Variants in LRRC2 observed in about 807,000 individuals in gnomAD.
The protein encoded by LRRC2 is leucine rich repeat containing 2, also known as leucine-rich repeat-containing protein 2.
A neutral mutation model predicts 40.2 loss-of-function variants in LRRC2; 27 were observed. That is an observed-to-expected ratio of 0.67 (90% CI 0.49 to 0.93). LRRC2 has a LOEUF of 0.93. Ranked by LOEUF, LRRC2 falls within the 40% of genes least tolerant of loss-of-function variation. The probability of loss-of-function intolerance (pLI) is 0.00; values close to 1 mark genes in which losing one functional copy is unlikely to be tolerated. For synonymous variants in LRRC2, 147 were observed against 158.9 expected, an observed-to-expected ratio of 0.92 and a Z score of 0.56; for missense variants, 402 against 439.6, an observed-to-expected ratio of 0.91 and a Z score of 0.76.
intron 3 of LRRC2, 145 bp from the exon 4 acceptor site, chr3:46,539,346 A>G (rs2107012849): frequency 2.7e-6 from 2 of 730,308 alleles, no homozygotes. Flanking sequence ...AGCCATTTCA[A>G]AAAGAAACCA....
intron 1 of LRRC2, among the ~76,000 whole-genome samples, chr3:46,563,815 A>C (rs915159306): frequency 1.3e-5 from 2 of 152,138 alleles, no homozygotes; most frequent in Non-Finnish European, 2.9e-5. Context: ...GTAGCATACG[A>C]TGGGAACTGG....
chr3:46,551,729 C>A, intron 1 of LRRC2, 119 bp from the exon 2 acceptor site: 12 of 386,424 alleles, frequency 3.1e-5, no homozygotes, highest in Admixed American at 4.8e-5. Flanking sequence ...ATATGCCTTA[C>A]TACTTCAAGG....
chr3:46,549,479 C>T (rs1275922267), intron 2 of LRRC2, among the ~76,000 whole-genome samples: 1 of 152,180 alleles, frequency 6.6e-6, no homozygotes, highest in African/African-American at 2.4e-5. Flanking sequence ...TCCTCCTTAT[C>T]TGCCCAGCCA....
chr3:46,528,487 C>A (rs9827559), intron 6 of LRRC2, among the ~76,000 whole-genome samples: 77,148 of 151,914 alleles, frequency 0.51, 20,608 homozygotes, highest in South Asian at 0.65. Flanking sequence ...CGTCTTCCAA[C>A]TTTAAAACAG....
At chr3:46,531,989 T>C (rs1704168453) in intron 5 of LRRC2, among the ~76,000 whole-genome samples, 1 of 152,186 alleles carries the variant, frequency 6.6e-6, no homozygotes, top group African/African-American at 2.4e-5. Flanking sequence ...AGAAAATGAT[T>C]TAAAATCATT....
intron 4 of LRRC2, among the ~76,000 whole-genome samples, chr3:46,533,795 C>CTTTGTTTCTTTCTTTCTTTCTTTCTTTG (rs2107000548): frequency 7.7e-6 from 1 of 130,458 alleles, no homozygotes; most frequent in African/African-American, 2.8e-5. Flanking sequence ...TTCTTTCTTT[C>CTTTGTTTCTTTCTTTCTTTCTTTCTTTG]TTTGTTTCTT....
intron 1 of LRRC2, among the ~76,000 whole-genome samples, chr3:46,554,002 GGTTGTT>G (rs34135160): frequency 2.6e-4 from 39 of 151,486 alleles, no homozygotes; most frequent in African/African-American, 9.2e-4. Flanking sequence ...TTGTTTCATT[GGTTGTT>G]GTTGTTGTTT....
intron 1 of LRRC2, among the ~76,000 whole-genome samples, chr3:46,561,795 C>T (rs1245163551): frequency 6.7e-6 from 1 of 150,018 alleles, no homozygotes; most frequent in African/African-American, 2.5e-5. Flanking sequence ...GGGCCCTGGA[C>T]TGCAGCAAGG....
rs149654620 is a variant in LRRC2, at chr3:46,551,593, T to C, written c.-2A>G. ...GAAGACAACCACTTTATGTCCCATT[T>C]TGGGAGCATGAAATTACCTATTTAA... On this transcript the variant is annotated 5_prime_UTR_variant, in exon 2 of 9. Coordinates refer to ENST00000395905, the MANE Select transcript of LRRC2 (RefSeq NM_024512.5). The C allele has an allele frequency of 1.9e-6, 3 of 1,607,838 alleles. No individual in the cohort carries two copies. The highest frequency in any genetic ancestry group is 1.1e-5 in the South Asian group (1 of 89,190).
At position 46,515,483 on chromosome 3, in the gene LRRC2, C is replaced by T. The variant is rs963891986; in HGVS notation, c.*3531G>A. 6.6e-6 allele frequency: 1 copy of T among 152,098 alleles called. No homozygotes were observed. The highest frequency in any genetic ancestry group is 2.4e-5 in the African/African-American group (1 of 41,416). 9.4% of individuals were successfully genotyped at this position (152,098 alleles called of 1,614,324 possible). ...TAACCTTTCCAAATTATGTATCAGT[C>T]TATTTGCATCATGTCAAATTTTCAA... is the stretch of plus-strand genomic sequence containing the variant. On this transcript the variant is annotated 3_prime_UTR_variant, in exon 9 of 9. Coordinates refer to ENST00000395905, the MANE Select transcript of LRRC2 (RefSeq NM_024512.5).
intron 1 of LRRC2, among the ~76,000 whole-genome samples, chr3:46,553,104 G>A (rs891459242): frequency 6.6e-6 from 1 of 151,598 alleles, no homozygotes; most frequent in Non-Finnish European, 1.5e-5. Flanking sequence ...TCACTCTCAG[G>A]ACACTAAATG....
intron 2 of LRRC2, among the ~76,000 whole-genome samples, chr3:46,547,740 A>G (rs1197393595): frequency 6.6e-6 from 1 of 151,864 alleles, no homozygotes; most frequent in East Asian, 1.9e-4. Context: ...GTGTCAGCAC[A>G]TGAAGGGATA....
intron 4 of LRRC2, among the ~76,000 whole-genome samples, chr3:46,533,758 C>CCT (rs1575349039): frequency 5.2e-5 from 3 of 57,254 alleles, no homozygotes; most frequent in South Asian, 8.6e-4. Context: ...TCTTCCTTCC[C>CCT]TCCCTCCCTC....
At chr3:46,550,774 A>G (rs977564241) in intron 2 of LRRC2, among the ~76,000 whole-genome samples, 6 of 152,150 alleles carry the variant, frequency 3.9e-5, no homozygotes, top group African/African-American at 9.7e-5. Flanking sequence ...TTCTTTGAGA[A>G]TGGGTCTGCC....
Position 46,518,827 on chromosome 3 carries a change from A to G in LRRC2, c.*187T>C, listed in dbSNP as rs376658198. The stretch of plus-strand genomic sequence containing the variant: ...TATCAATATACAAACCAATTTTTCA[A>G]TTCTCCAGTCCATGGAGGGAGATAC... On this transcript the variant is annotated 3_prime_UTR_variant, in exon 9 of 9. Transcript: ENST00000395905. 7.8e-6 allele frequency: 4 copies of G among 515,146 alleles called. No homozygotes were observed. Among genetic ancestry groups the G allele is most frequent in the South Asian group, 3.7e-5 (1 of 26,736 alleles). 31.9% of individuals were successfully genotyped at this position (515,146 alleles called of 1,614,324 possible).
In LRRC2 at chr3:46,539,197, A is replaced by G. The variant is rs779464695; in HGVS notation, c.338T>C (p.Leu113Pro). 90 of 1,613,478 alleles carry G rather than the reference A, an allele frequency of 5.6e-5. No individual in the cohort carries two copies. The South Asian group carries it at 7.5e-4, about 13-fold the overall frequency. ...FELSGEHWTELPDSLKEQTHL... is the reference protein window; with the variant it reads ...FELSGEHWTEPPDSLKEQTHL... Reference sequence around the variant, plus strand: ...TGTCTGCTCCTTCAATGAATCTGGGAGCTCCTAAAATAGAAAGAATGACAT... The same window carrying G: ...TGTCTGCTCCTTCAATGAATCTGGGGGCTCCTAAAATAGAAAGAATGACAT... Residue 113 changes from leucine to proline, a missense_variant, in exon 4 of 9, where the codon CTC becomes CCC. Leu to Pro is a moderately conservative substitution (Grantham distance 98, BLOSUM62 -3). Coordinates refer to ENST00000395905, the MANE Select transcript of LRRC2 (RefSeq NM_024512.5).
At chr3:46,551,889 C>T (rs1472073899) in intron 1 of LRRC2, among the ~76,000 whole-genome samples, 1 of 151,726 alleles carries the variant, frequency 6.6e-6, no homozygotes, top group Non-Finnish European at 1.5e-5. Context: ...CAGCCTCAAC[C>T]TCCTGGGCTC....
At chr3:46,560,749 T>C (rs1559422495) in intron 1 of LRRC2, among the ~76,000 whole-genome samples, 1 of 152,186 alleles carries the variant, frequency 6.6e-6, no homozygotes, top group Non-Finnish European at 1.5e-5. Flanking sequence ...CAATTTGGGC[T>C]ACACTGTCCA....
chr3:46,541,332 CAAA>C (rs571449281), intron 3 of LRRC2, among the ~76,000 whole-genome samples: 3 of 63,928 alleles, frequency 4.7e-5, no homozygotes, highest in Non-Finnish European at 6.4e-5. Context: ...GACTCCGTCT[CAAA>C]AAAAAAAAAA....
Sources: gnomAD v4.1 joint callset for allele counts (sites outside exome capture counted in the v4.1 genomes callset) on GRCh38, gnomAD v4.1.1 for gene constraint, MANE v1.5 for transcripts, NCBI Gene and HGNC (gene_info 2026-07-23, HGNC 2026-07-21) for gene names.